Variants in RORA observed in about 807,000 individuals in gnomAD.
RORA encodes RAR related orphan receptor A.
RORA carries 7 observed loss-of-function variants against 69.5 expected under a neutral mutation model. The observed-to-expected ratio is 0.10, with a 90% CI of 0.06 to 0.19. The LOEUF is 0.19. Ranked by LOEUF, RORA falls within the 10% of genes least tolerant of loss-of-function variation. The pLI, the probability that RORA is intolerant of heterozygous loss-of-function variation, is 1.00. For synonymous variants in RORA, 261 were observed against 240.8 expected (o/e 1.08, Z -0.78); for missense variants, 457 against 663.0 (o/e 0.69, Z 3.41).
At chr15:60,886,830 G>A (rs1403502906) in intron 1 of RORA, among the ~76,000 whole-genome samples, 1 of 152,172 alleles carries the variant, frequency 6.6e-6, no homozygotes, top group Non-Finnish European at 1.5e-5. Context: ...GTCTCTTTCT[G>A]AAATGGTTTG....
At chr15:60,639,400 C>T (rs572914427) in intron 2 of RORA, among the ~76,000 whole-genome samples, 54 of 152,242 alleles carry the variant, frequency 3.5e-4, no homozygotes, top group Admixed American at 2.9e-3. Context: ...GGACCAGTGT[C>T]TCCCCGTTTC....
At chr15:61,001,501 G>A (rs1366236362) in intron 1 of RORA, among the ~76,000 whole-genome samples, 1 of 152,172 alleles carries the variant, frequency 6.6e-6, no homozygotes, top group East Asian at 1.9e-4. Flanking sequence ...GCTGGGAGAT[G>A]GGCATTTATT....
intron 1 of RORA, among the ~76,000 whole-genome samples, chr15:61,046,499 T>C (rs913391808): frequency 4.6e-5 from 7 of 152,174 alleles, no homozygotes; most frequent in African/African-American, 7.2e-5. Context: ...GCTGCCACCA[T>C]GCTGGAGCAG....
At chr15:60,556,448 G>T (rs2140406706) in intron 2 of RORA, among the ~76,000 whole-genome samples, 2 of 152,266 alleles carry the variant, frequency 1.3e-5, no homozygotes, top group East Asian at 3.9e-4. Flanking sequence ...TCTCTTTTAT[G>T]AACAGGTGAT....
At chr15:61,010,127 C>T (rs1306552081) in intron 1 of RORA, among the ~76,000 whole-genome samples, 1 of 152,132 alleles carries the variant, frequency 6.6e-6, no homozygotes, top group Non-Finnish European at 1.5e-5. Flanking sequence ...CTAACTATTC[C>T]TTGTCAGATG....
At chr15:60,960,455 T>C (rs1004978441) in intron 1 of RORA, among the ~76,000 whole-genome samples, 39 of 152,108 alleles carry the variant, frequency 2.6e-4, no homozygotes, top group African/African-American at 9.4e-4. Context: ...GTCCATCTGA[T>C]TAAAAAGAAA....
intron 1 of RORA, among the ~76,000 whole-genome samples, chr15:60,892,592 G>A (rs1446027939): frequency 2.0e-5 from 3 of 152,118 alleles, no homozygotes; most frequent in Admixed American, 2.0e-4. Flanking sequence ...CTGGTATCAC[G>A]AATATACAAT....
At chr15:61,042,560 C>CT (rs1896831490) in intron 1 of RORA, among the ~76,000 whole-genome samples, 1 of 152,180 alleles carries the variant, frequency 6.6e-6, no homozygotes, top group South Asian at 2.1e-4. Context: ...TAATGCATTT[C>CT]TTTTAACTTG....
At chr15:60,968,320 A>G (rs1893615592) in intron 1 of RORA, among the ~76,000 whole-genome samples, 2 of 152,180 alleles carry the variant, frequency 1.3e-5, no homozygotes, top group African/African-American at 4.8e-5. Flanking sequence ...CCTTAAACAT[A>G]CGCATGCACC....
chr15:60,732,107 C>T (rs1204715328), intron 1 of RORA, among the ~76,000 whole-genome samples: 1 of 152,132 alleles, frequency 6.6e-6, no homozygotes, highest in Non-Finnish European at 1.5e-5. Context: ...ACAGAGTTTT[C>T]AAGAATTTAA....
At chr15:60,736,415 A>G (rs1203037067) in intron 1 of RORA, among the ~76,000 whole-genome samples, 2 of 152,180 alleles carry the variant, frequency 1.3e-5, no homozygotes, top group Non-Finnish European at 2.9e-5. Context: ...GTAATATTTG[A>G]GAAAGGACTC....
chr15:60,948,531 G>C (rs949864667), intron 1 of RORA, among the ~76,000 whole-genome samples: 2 of 152,130 alleles, frequency 1.3e-5, no homozygotes, highest in African/African-American at 4.8e-5. Flanking sequence ...AGTAACAACA[G>C]AAACAACAAT....
At chr15:60,882,710 G>A (rs1026857380) in intron 1 of RORA, among the ~76,000 whole-genome samples, 6 of 151,640 alleles carry the variant, frequency 4.0e-5, no homozygotes, top group East Asian at 3.9e-4. Flanking sequence ...ACACCTAGAC[G>A]TAACTGGTGA....
chr15:61,032,159 C>A (rs901035120), intron 1 of RORA, among the ~76,000 whole-genome samples: 3 of 152,200 alleles, frequency 2.0e-5, no homozygotes, highest in Non-Finnish European at 4.4e-5. Context: ...ATGCAGAGTA[C>A]TTGAAATTAC....
chr15:60,663,837 C>T (rs1209621743), intron 2 of RORA, among the ~76,000 whole-genome samples: 1 of 152,214 alleles, frequency 6.6e-6, no homozygotes, highest in Non-Finnish European at 1.5e-5. Context: ...ATTGGTCACA[C>T]ACAGAATGTG....
At chr15:60,601,628 T>A (rs898945536) in intron 2 of RORA, among the ~76,000 whole-genome samples, 11 of 152,356 alleles carry the variant, frequency 7.2e-5, no homozygotes, top group Non-Finnish European at 1.6e-4. Flanking sequence ...ATATATTTAC[T>A]GTTTTTACTT....
At chr15:60,734,595 C>G (rs1011742066) in intron 1 of RORA, among the ~76,000 whole-genome samples, 1 of 152,090 alleles carries the variant, frequency 6.6e-6, no homozygotes, top group African/African-American at 2.4e-5. Flanking sequence ...ACATAATGGC[C>G]CACTGTTAGA....
chr15:61,051,762 G>C (rs536988018), intron 1 of RORA, among the ~76,000 whole-genome samples: 2 of 152,130 alleles, frequency 1.3e-5, no homozygotes, highest in Non-Finnish European at 2.9e-5. Flanking sequence ...TGAAGTCTCC[G>C]CCTGGGCTTC....
intron 1 of RORA, among the ~76,000 whole-genome samples, chr15:61,109,998 A>G (rs1028993623): frequency 8.5e-5 from 13 of 152,240 alleles, no homozygotes; most frequent in African/African-American, 3.1e-4. Context: ...ACAAATTCCT[A>G]TTGCCTAGTG....
Sources: gnomAD v4.1 joint callset for allele counts (sites outside exome capture counted in the v4.1 genomes callset) on GRCh38, gnomAD v4.1.1 for gene constraint, MANE v1.5 for transcripts, NCBI Gene and HGNC (gene_info 2026-07-23, HGNC 2026-07-21) for gene names.